LRRFIP1: variants seen among roughly 807,000 people sequenced by gnomAD.
LRRFIP1 encodes the protein leucine-rich repeat flightless-interacting protein 1.
Under a neutral mutation model 104.4 loss-of-function variants are expected in LRRFIP1, and 62 were observed. That is an observed-to-expected ratio of 0.59 (90% CI 0.48 to 0.73). The LOEUF is 0.73. Ranked by LOEUF, LRRFIP1 falls within the 30% of genes least tolerant of loss-of-function variation. The pLI is 0.00. For synonymous variants in LRRFIP1, 300 were observed against 299.0 expected (o/e 1.00, Z -0.03); for missense variants, 796 against 824.5 (o/e 0.97, Z 0.42).
intron 12 of LRRFIP1, 122 bp downstream of exon 12, chr2:237,748,521 G>A (rs1330101495): frequency 7.8e-6 from 7 of 896,586 alleles, no homozygotes; most frequent in Middle Eastern, 3.1e-4. Context: ...ACTAGAAAGC[G>A]GCCCACCTAA....
Position 237,733,836 on chromosome 2 carries a change from C to G in LRRFIP1, c.489+18C>G. On this transcript the variant is annotated intron_variant, in intron 9 of 23. Transcript: ENST00000308482. ...GTTACCGGGTGCGTGTGCTGCCCAC[C>G]CTGCTGCCCCGCACCCCCTCCCACT... The G allele has an allele frequency of 1.2e-6, 2 of 1,613,764 alleles. No individual in the cohort carries two copies. The highest frequency in any genetic ancestry group is 1.3e-5 in the African/African-American group (1 of 75,078).
In LRRFIP1 at chr2:237,640,547, G is replaced by A. The variant is rs77855083; in HGVS notation, c.96+12807G>A. Among the ~76,000 whole-genome samples, 252 of 152,104 alleles carry A rather than the reference G, an allele frequency of 1.7e-3. 5 individuals are homozygous for A. The East Asian group carries it at 0.046, about 28-fold the overall frequency. On this transcript the variant is annotated intron_variant, in intron 1 of 23. Transcript: ENST00000308482. ...GACCCAGTCGTCCTTCACCCCCCAG[G>A]ACCACCCCCCAGATGAGAAGGGGGA... is the stretch of plus-strand genomic sequence containing the variant.
rs981111303 is a variant in LRRFIP1, at chr2:237,735,412, C to T, written c.555+79C>T. On this transcript the variant is annotated intron_variant, in intron 10 of 23. Coordinates refer to ENST00000308482, the MANE Select transcript of LRRFIP1 (RefSeq NM_001137550.2). The surrounding 1 kb of genome is among the most constrained non-coding windows in gnomAD (Gnocchi z 4.6). ...GGATGCTCGCTGGGCAGGGTCCAGC[C>T]GTGGGGGGTGACTGGCCATTCTCAG... The T allele has an allele frequency of 7.1e-5, 97 of 1,360,470 alleles. No homozygotes were observed. In the African/African-American group the frequency reaches 1.2e-3, roughly 17 times the overall value. 84.3% of individuals were successfully genotyped at this position (1,360,470 alleles called of 1,614,324 possible).
rs369943594 is a variant in LRRFIP1 at position 237,779,651 on chromosome 2, C to T, written c.*119C>T. Reference sequence around the variant, plus strand: ...GCCTTCCGAGAGACGAAGACCGTGGCGAGCTTGGCGCTTAGGGGCTCCCGT... The same window carrying T: ...GCCTTCCGAGAGACGAAGACCGTGGTGAGCTTGGCGCTTAGGGGCTCCCGT... On this transcript the variant is annotated 3_prime_UTR_variant, in exon 24 of 24. Coordinates refer to ENST00000308482, the MANE Select transcript of LRRFIP1 (RefSeq NM_001137550.2). The T allele has an allele frequency of 1.6e-5, 14 of 895,066 alleles. No individual in the cohort carries two copies. In the African/African-American group the frequency reaches 2.3e-4, roughly 15 times the overall value. 55.4% of individuals were successfully genotyped at this position (895,066 alleles called of 1,614,324 possible).
intron 1 of LRRFIP1, among the ~76,000 whole-genome samples, chr2:237,685,545 C>T (rs2092303523): frequency 1.3e-5 from 2 of 152,164 alleles, no homozygotes; most frequent in Admixed American, 1.3e-4. Context: ...ACTCTTCCTG[C>T]ACAGGAAGCT....
chr2:237,763,775 G>C (rs2060089929), intron 19 of LRRFIP1: 2 of 1,614,234 alleles, frequency 1.2e-6, no homozygotes, highest in Non-Finnish European at 1.7e-6. Context: ...TCAATCATCA[G>C]GCCCGAGGGC....
Position 237,772,868 on chromosome 2 carries a change from G to T in LRRFIP1, c.1630G>T (p.Asp544Tyr), listed in dbSNP as rs2060771265. 1 of 1,611,802 alleles carries T rather than the reference G, an allele frequency of 6.2e-7. No individual in the cohort carries two copies. The highest frequency in any genetic ancestry group is 8.5e-7 in the Non-Finnish European group (1 of 1,177,908). Reference protein sequence around the residue: ...TDMHVMDLQRDANRQISDLKF... With the variant: ...TDMHVMDLQRYANRQISDLKF... ...TTTCCTTCTCTTTCAACCTTTAGGG[G>T]ATGCCAACAGACAGATCAGCGACCT... The change falls in exon 22 of 24, where the codon GAT (aspartate) becomes TAT (tyrosine). Residue 544 changes from aspartate (D) to tyrosine (Y), a missense_variant and splice_region_variant. Asp to Tyr is a radical substitution (Grantham distance 160). Transcript: ENST00000308482.
At chr2:237,693,285 A>C (rs1322375074) in intron 1 of LRRFIP1, among the ~76,000 whole-genome samples, 2 of 152,244 alleles carry the variant, frequency 1.3e-5, no homozygotes, top group Non-Finnish European at 2.9e-5. Context: ...GATCTTGGTA[A>C]AAGTATGAGC....
At chr2:237,700,559 T>C (rs1035721221) in intron 1 of LRRFIP1, among the ~76,000 whole-genome samples, 3 of 152,230 alleles carry the variant, frequency 2.0e-5, no homozygotes, top group Non-Finnish European at 4.4e-5. Context: ...GTGTAATTAA[T>C]AGGAGAACTT....
intron 7 of LRRFIP1, among the ~76,000 whole-genome samples, chr2:237,727,216 C>T (rs1191937891): frequency 2.0e-5 from 3 of 152,004 alleles, no homozygotes; most frequent in African/African-American, 2.4e-5. Flanking sequence ...ATTAGCCGGG[C>T]GTGGTGACGC....
At chr2:237,708,848 G>A in intron 2 of LRRFIP1, 1 of 683,524 alleles carries the variant, frequency 1.5e-6, no homozygotes, top group Non-Finnish European at 2.7e-6. Context: ...GCTCCTGAGA[G>A]GGGCTTAGAA....
At chr2:237,642,799 G>A (rs1334986183) in intron 1 of LRRFIP1, among the ~76,000 whole-genome samples, 5 of 152,112 alleles carry the variant, frequency 3.3e-5, no homozygotes, top group Non-Finnish European at 7.4e-5. Context: ...TTTAGGCTAA[G>A]GGTTCCTATT....
chr2:237,681,707 TCTCGC>T (rs2091853092), intron 1 of LRRFIP1, among the ~76,000 whole-genome samples: 1 of 120,220 alleles, frequency 8.3e-6, no homozygotes, highest in African/African-American at 3.2e-5. Context: ...TGAGACGGAG[TCTCGC>T]TCTGTCGCCC....
intron 22 of LRRFIP1, 170 bp from the exon 23 acceptor site, chr2:237,774,188 A>C (rs1235874887): frequency 1.7e-6 from 1 of 592,098 alleles, no homozygotes. Flanking sequence ...ATAGTAACCA[A>C]GAATAGCTTG....
At chr2:237,759,745 G>A (rs1479666882) in intron 18 of LRRFIP1, among the ~76,000 whole-genome samples, 1 of 152,178 alleles carries the variant, frequency 6.6e-6, no homozygotes, top group African/African-American at 2.4e-5. Flanking sequence ...GCAGTGACTT[G>A]CTTACTGCTC....
chr2:237,765,430 G>A (rs1309449832), intron 19 of LRRFIP1: 1 of 719,488 alleles, frequency 1.4e-6, no homozygotes, highest in Non-Finnish European at 1.6e-6. Context: ...GTGAGACACT[G>A]TCTCTAAAAA....
intron 1 of LRRFIP1, among the ~76,000 whole-genome samples, chr2:237,628,050 C>T (rs2081842703): frequency 6.6e-6 from 1 of 151,910 alleles, no homozygotes; most frequent in Non-Finnish European, 1.5e-5. Flanking sequence ...CCGGGCGCCG[C>T]CAGCGCGCGA....
At chr2:237,730,992 A>G (rs981945170) in intron 8 of LRRFIP1, among the ~76,000 whole-genome samples, 7 of 152,188 alleles carry the variant, frequency 4.6e-5, no homozygotes, top group African/African-American at 1.2e-4. Flanking sequence ...TAGAGCCTAG[A>G]GGGGAAGCTC....
rs57355213 is a variant in LRRFIP1, at chr2:237,719,940, C to CTTT, written c.294+396_294+398dup. Among the ~76,000 whole-genome samples the CTTT allele has an allele frequency of 2.5e-3, 256 of 103,962 alleles. 1 individual carries two copies. Among genetic ancestry groups the CTTT allele is most frequent in the African/African-American group, 2.9e-3 (79 of 27,042 alleles). The allele number at this position is 103,962 out of a possible 152,430, so 68.2% of individuals were successfully genotyped here. A position where few individuals can be genotyped will look rare whatever the true frequency, so the allele number is the denominator to read the frequency against. On this transcript the variant is annotated intron_variant, in intron 5 of 23. Coordinates refer to ENST00000308482, the MANE Select transcript of LRRFIP1 (RefSeq NM_001137550.2). ...AAAGAATACTACTTGGATGAAATTACTTTTTTTTTTTTTTTTTTTTTTTTT... is the reference window on the plus strand; with the variant it reads ...AAAGAATACTACTTGGATGAAATTACTTTTTTTTTTTTTTTTTTTTTTTTTTTT...
Sources: gnomAD v4.1 joint callset for allele counts (sites outside exome capture counted in the v4.1 genomes callset) on GRCh38, gnomAD v4.1.1 for gene constraint, Gnocchi (gnomAD v3.1) non-coding constraint, MANE v1.5 for transcripts, NCBI Gene and HGNC (gene_info 2026-07-23, HGNC 2026-07-21) for gene names.